The following GRM8 variants were observed in gnomAD, a reference collection of about 807,000 sequenced individuals.
The protein encoded by GRM8 is metabotropic glutamate receptor 8.
In GRM8, 47 loss-of-function variants were observed where a neutral mutation model predicts 87.2. The ratio of observed to expected loss-of-function variants is 0.54; its 90% CI spans 0.43 to 0.69. The LOEUF is 0.69. Among genes scored for constraint, GRM8 ranks in the 30% least tolerant of loss-of-function variants. The pLI, the probability that GRM8 is intolerant of heterozygous loss-of-function variation, is 0.00. For missense variants in GRM8, 1,019 were observed against 1,139.2 expected, an observed-to-expected ratio of 0.89 and a Z score of 1.52; for synonymous variants, 396 against 404.5, an observed-to-expected ratio of 0.98 and a Z score of 0.25.
intron 9 of GRM8, among the ~76,000 whole-genome samples, chr7:126,459,403 G>A (rs1420573331): frequency 8.1e-6 from 1 of 123,042 alleles, no homozygotes; most frequent in East Asian, 2.4e-4. Context: ...AGGAAAACAA[G>A]GAAAGTATTC....
chr7:127,094,356 C>T (rs1275772134), intron 3 of GRM8, among the ~76,000 whole-genome samples: 1 of 152,320 alleles, frequency 6.6e-6, no homozygotes, highest in Middle Eastern at 3.4e-3. Flanking sequence ...AGGCTCTGAT[C>T]ACAGAAGCTA....
At chr7:126,995,318 A>T (rs769078480) in intron 3 of GRM8, among the ~76,000 whole-genome samples, 5 of 152,214 alleles carry the variant, frequency 3.3e-5, no homozygotes, top group Admixed American at 6.5e-5. Context: ...ATCCAGAAGT[A>T]TCAAGACCAT....
intron 2 of GRM8, among the ~76,000 whole-genome samples, chr7:127,227,696 G>T (rs1302599512): frequency 6.6e-6 from 1 of 152,144 alleles, no homozygotes; most frequent in African/African-American, 2.4e-5. Context: ...TACATAAACT[G>T]CTCTGACCAT....
At chr7:126,468,536 T>G (rs1354731153) in intron 9 of GRM8, among the ~76,000 whole-genome samples, 5 of 152,082 alleles carry the variant, frequency 3.3e-5, no homozygotes, top group Non-Finnish European at 5.9e-5. Context: ...TCCTACAATT[T>G]CCTGTGATAC....
At chr7:126,546,331 A>G (rs1817153662) in intron 8 of GRM8, among the ~76,000 whole-genome samples, 1 of 152,192 alleles carries the variant, frequency 6.6e-6, no homozygotes, top group Admixed American at 6.5e-5. Context: ...GTGACTACTG[A>G]ATCACATTTT....
chr7:126,573,809 C>T (rs1794888996), intron 8 of GRM8, among the ~76,000 whole-genome samples: 1 of 152,092 alleles, frequency 6.6e-6, no homozygotes, highest in Admixed American at 6.6e-5. Context: ...TGGTCTCAAA[C>T]TCCTGAGAGT....
chr7:126,571,023 G>A (rs749305219), intron 8 of GRM8, among the ~76,000 whole-genome samples: 4 of 152,150 alleles, frequency 2.6e-5, no homozygotes, highest in Non-Finnish European at 5.9e-5. Context: ...AGGCAACATT[G>A]CATGAGGTCA....
At chr7:126,855,200 C>T (rs990959204) in intron 6 of GRM8, among the ~76,000 whole-genome samples, 79 of 152,222 alleles carry the variant, frequency 5.2e-4, no homozygotes, top group African/African-American at 1.9e-3. Context: ...TTTTTTCTTA[C>T]TCATAATAGT....
intron 9 of GRM8, among the ~76,000 whole-genome samples, chr7:126,461,841 T>G (rs535403780): frequency 6.6e-6 from 1 of 151,828 alleles, no homozygotes; most frequent in African/African-American, 2.4e-5. Flanking sequence ...TAATGTATTG[T>G]TTTTAGTAAG....
At chr7:127,211,637 G>T (rs1018659374) in intron 2 of GRM8, among the ~76,000 whole-genome samples, 1 of 152,146 alleles carries the variant, frequency 6.6e-6, no homozygotes, top group African/African-American at 2.4e-5. Context: ...ACTCTGGGAG[G>T]CCCCACCTTC....
intron 3 of GRM8, among the ~76,000 whole-genome samples, chr7:127,026,625 T>C (rs1375872924): frequency 1.3e-5 from 2 of 152,214 alleles, no homozygotes; most frequent in African/African-American, 2.4e-5. Flanking sequence ...TTTCATGTGT[T>C]TTTTGGCTGC....
intron 9 of GRM8, among the ~76,000 whole-genome samples, chr7:126,460,084 C>A (rs565018851): frequency 6.6e-6 from 1 of 151,628 alleles, no homozygotes; most frequent in Admixed American, 6.6e-5. Context: ...CCAGAAGATT[C>A]CCATGAAGGT....
chr7:126,960,746 T>G (rs1022839919), intron 3 of GRM8, among the ~76,000 whole-genome samples: 2 of 152,232 alleles, frequency 1.3e-5, no homozygotes, highest in Non-Finnish European at 2.9e-5. Context: ...GGTATTGGAC[T>G]ATGTCATTTT....
At chr7:126,649,152 T>C (rs1258114125) in intron 7 of GRM8, among the ~76,000 whole-genome samples, 1 of 152,198 alleles carries the variant, frequency 6.6e-6, no homozygotes, top group Non-Finnish European at 1.5e-5. Context: ...GAGGGTATGA[T>C]GGTTAATACC....
Position 126,790,846 on chromosome 7 carries a change from G to A in GRM8, c.1157-20781C>T, listed in dbSNP as rs376994130. On this transcript the variant is annotated intron_variant, in intron 6 of 10. Transcript: ENST00000339582. ...ACAGTAATGCCTGGTGACTGGGTCG[G>A]TGAGAATCCAGGGCTCTGGGTAGGA... is the stretch of plus-strand genomic sequence containing the variant. 5.3e-5 allele frequency among the ~76,000 whole-genome samples: 8 copies of A among 152,302 alleles called. No individual in the cohort carries two copies. In the East Asian group the frequency reaches 1.4e-3, roughly 26 times the overall value.
intron 3 of GRM8, among the ~76,000 whole-genome samples, chr7:127,091,584 C>T (rs1586973694): frequency 1.8e-5 from 2 of 110,368 alleles, no homozygotes; most frequent in Middle Eastern, 5.6e-3. Context: ...CCATCCCACT[C>T]GTCATCCCCC....
intron 6 of GRM8, among the ~76,000 whole-genome samples, chr7:126,862,711 C>T (rs556196353): frequency 1.8e-4 from 28 of 151,896 alleles, no homozygotes; most frequent in Admixed American, 3.3e-4. Flanking sequence ...TTTAGAAAAT[C>T]GTTCAGTTAG....
intron 3 of GRM8, among the ~76,000 whole-genome samples, chr7:127,064,679 A>C (rs1820934722): frequency 1.3e-5 from 2 of 152,344 alleles, no homozygotes; most frequent in African/African-American, 2.4e-5. Context: ...AATTTATAAG[A>C]GAAAACCCCA....
At chr7:127,075,959 CAG>C in intron 3 of GRM8, 1 of 336,926 alleles carries the variant, frequency 3.0e-6, no homozygotes, top group South Asian at 2.4e-5. Context: ...AGGCCTGACA[CAG>C]AGACAGTGCT....
Sources: gnomAD v4.1 joint callset for allele counts (sites outside exome capture counted in the v4.1 genomes callset) on GRCh38, gnomAD v4.1.1 for gene constraint, MANE v1.5 for transcripts, NCBI Gene and HGNC (gene_info 2026-07-23, HGNC 2026-07-21) for gene names.